Variants in PCDH9 observed in about 807,000 individuals in gnomAD.
The protein encoded by PCDH9 is protocadherin 9, also known as protocadherin-9.
PCDH9 carries 24 observed loss-of-function variants against 70.6 expected under a neutral mutation model. That is an observed-to-expected ratio of 0.34 (90% CI 0.25 to 0.48). PCDH9 has a LOEUF of 0.48. PCDH9 is among the 20% of genes least tolerant of loss of function. The pLI, the probability that PCDH9 is intolerant of heterozygous loss-of-function variation, is 0.99. For missense variants in PCDH9, 1,281 were observed against 1,503.6 expected, an observed-to-expected ratio of 0.85 and a Z score of 2.45; for synonymous variants, 562 against 558.5, an observed-to-expected ratio of 1.01 and a Z score of -0.09.
intron 2 of PCDH9, among the ~76,000 whole-genome samples, chr13:66,954,688 A>T (rs2083239473): frequency 6.6e-6 from 1 of 152,214 alleles, no homozygotes; most frequent in South Asian, 2.1e-4. Flanking sequence ...ATACCAAAAC[A>T]GCATGCCCTC....
Position 67,101,843 on chromosome 13 carries a change from T to A in PCDH9, c.3036+123562A>T, listed in dbSNP as rs192022622. On this transcript the variant is annotated intron_variant, in intron 2 of 4. Coordinates refer to ENST00000377865, the MANE Select transcript of PCDH9 (RefSeq NM_203487.3). ...GAAAGAAATTAAAACAAACAATGGATAACTAATAGTGTTAAATGGAATACT... is the reference window on the plus strand; with the variant it reads ...GAAAGAAATTAAAACAAACAATGGAAAACTAATAGTGTTAAATGGAATACT... Among the ~76,000 whole-genome samples, 524 of 152,260 alleles carry A rather than the reference T, an allele frequency of 3.4e-3. 1 individual carries two copies. Among genetic ancestry groups the A allele is most frequent in the Non-Finnish European group, 5.8e-3 (394 of 67,998 alleles).
At chr13:66,773,605 G>A (rs2079844322) in intron 3 of PCDH9, among the ~76,000 whole-genome samples, 1 of 149,866 alleles carries the variant, frequency 6.7e-6, no homozygotes, top group Admixed American at 6.6e-5. Context: ...ACTCCAGCCT[G>A]GGCGACAGAG....
chr13:66,876,706 T>C (rs1025705831), intron 3 of PCDH9: 2 of 152,052 alleles, frequency 1.3e-5, no homozygotes, highest in Admixed American at 1.3e-4. Context: ...ATTTTTGAAA[T>C]CAGTAGAGAA....
intron 2 of PCDH9, among the ~76,000 whole-genome samples, chr13:67,119,744 G>C: frequency 6.6e-6 from 1 of 152,118 alleles, no homozygotes; most frequent in African/African-American, 2.4e-5. Flanking sequence ...AATTGCCTAA[G>C]CAATTATTTG....
chr13:66,686,847 G>A (rs9571626), intron 3 of PCDH9, among the ~76,000 whole-genome samples: 2 of 151,804 alleles, frequency 1.3e-5, no homozygotes, highest in African/African-American at 4.8e-5. Flanking sequence ...TAAACATATA[G>A]GGCTTAGAAA....
intron 4 of PCDH9, among the ~76,000 whole-genome samples, chr13:66,505,546 C>T (rs1804738608): frequency 1.3e-5 from 2 of 151,506 alleles, no homozygotes; most frequent in Admixed American, 6.6e-5. Context: ...ATTTAATTGG[C>T]TCACAGTTCC....
At chr13:66,384,765 G>A (rs915538692) in intron 4 of PCDH9, among the ~76,000 whole-genome samples, 2 of 152,006 alleles carry the variant, frequency 1.3e-5, no homozygotes, top group Admixed American at 1.3e-4. Flanking sequence ...CTCGGGCACC[G>A]GTGATCTTCC....
chr13:66,576,467 CAGTT>C (rs1378105066), intron 4 of PCDH9, among the ~76,000 whole-genome samples: 3 of 152,046 alleles, frequency 2.0e-5, no homozygotes, highest in South Asian at 2.1e-4. Context: ...ATAGCATTCA[CAGTT>C]AGAGTCCTAA....
chr13:66,336,272 T>TA (rs1361017923), intron 4 of PCDH9, among the ~76,000 whole-genome samples: 1 of 151,824 alleles, frequency 6.6e-6, no homozygotes, highest in African/African-American at 2.4e-5. Flanking sequence ...TTTTTTTTTT[T>TA]AATTTACAAA....
At chr13:66,455,545 A>C (rs977161694) in intron 4 of PCDH9, among the ~76,000 whole-genome samples, 1 of 152,186 alleles carries the variant, frequency 6.6e-6, no homozygotes, top group East Asian at 1.9e-4. Context: ...TGAAAGTATG[A>C]AATAATAAAT....
chr13:66,955,472 A>T (rs1037509863), intron 2 of PCDH9, among the ~76,000 whole-genome samples: 13 of 152,186 alleles, frequency 8.5e-5, no homozygotes, highest in African/African-American at 3.1e-4. Flanking sequence ...GTAAGGTGTC[A>T]TTTTTTTCTG....
intron 2 of PCDH9, among the ~76,000 whole-genome samples, chr13:66,939,319 G>A (rs2082968892): frequency 6.6e-6 from 1 of 152,128 alleles, no homozygotes; most frequent in Non-Finnish European, 1.5e-5. Flanking sequence ...TCTGAACTGT[G>A]TATGTGTTCT....
intron 4 of PCDH9, among the ~76,000 whole-genome samples, chr13:66,355,444 CTTTTGT>C (rs537898535): frequency 6.6e-6 from 1 of 151,844 alleles, no homozygotes; most frequent in Non-Finnish European, 1.5e-5. Context: ...AGTGTCATGT[CTTTTGT>C]TTTTGTTTTT....
chr13:66,493,586 A>C (rs552170608), intron 4 of PCDH9, among the ~76,000 whole-genome samples: 1 of 152,286 alleles, frequency 6.6e-6, no homozygotes, highest in African/African-American at 2.4e-5. Flanking sequence ...AATAAATGCA[A>C]ATAACTGAAC....
intron 4 of PCDH9, among the ~76,000 whole-genome samples, chr13:66,324,929 G>C (rs555230491): frequency 6.6e-6 from 1 of 151,834 alleles, no homozygotes; most frequent in Admixed American, 6.6e-5. Context: ...TGCAAACTTA[G>C]AGCGTCTGTC....
At chr13:66,876,469 A>G (rs939699614) in intron 3 of PCDH9, among the ~76,000 whole-genome samples, 5 of 152,178 alleles carry the variant, frequency 3.3e-5, no homozygotes, top group African/African-American at 7.2e-5. Flanking sequence ...ATTAAAATAC[A>G]TATCTCTGCT....
intron 2 of PCDH9, among the ~76,000 whole-genome samples, chr13:67,165,820 A>C (rs190265166): frequency 1.4e-4 from 21 of 152,286 alleles, no homozygotes; most frequent in Admixed American, 1.1e-3. Flanking sequence ...TTTAAGACGC[A>C]TGGACATTTG....
At chr13:66,497,814 CTTTTTTT>C (rs763360211) in intron 4 of PCDH9, among the ~76,000 whole-genome samples, 27 of 111,322 alleles carry the variant, frequency 2.4e-4, no homozygotes, top group South Asian at 1.3e-3. Flanking sequence ...CACACTCTTA[CTTTTTTT>C]TTTTTTTTTT....
At chr13:66,579,010 T>C (rs945967870) in intron 4 of PCDH9, among the ~76,000 whole-genome samples, 11 of 152,060 alleles carry the variant, frequency 7.2e-5, no homozygotes, top group African/African-American at 2.7e-4. Flanking sequence ...GGCCTTTGTT[T>C]TGTTGCTGTA....
Sources: gnomAD v4.1 joint callset for allele counts (sites outside exome capture counted in the v4.1 genomes callset) on GRCh38, gnomAD v4.1.1 for gene constraint, MANE v1.5 for transcripts, NCBI Gene and HGNC (gene_info 2026-07-23, HGNC 2026-07-21) for gene names.